The following USH2A variants were observed in gnomAD, a reference collection of about 807,000 sequenced individuals.
USH2A encodes Usher syndrome 2A (autosomal recessive, mild).
In USH2A, 443 loss-of-function variants were observed where a neutral mutation model predicts 538.9. The ratio of observed to expected loss-of-function variants is 0.82; its 90% CI spans 0.76 to 0.89. USH2A has a LOEUF of 0.89. Among genes scored for constraint, USH2A ranks in the 40% least tolerant of loss-of-function variants. The probability of loss-of-function intolerance (pLI) is 0.00; values close to 1 mark genes in which losing one functional copy is unlikely to be tolerated. For synonymous variants in USH2A, 2,413 were observed against 2,273.5 expected, an observed-to-expected ratio of 1.06 and a Z score of -1.75; for missense variants, 6,633 against 6,324.8, an observed-to-expected ratio of 1.05 and a Z score of -1.65.
intron 4 of USH2A, among the ~76,000 whole-genome samples, chr1:216,330,493 C>A (rs1257997784): frequency 2.0e-5 from 3 of 151,666 alleles, no homozygotes; most frequent in African/African-American, 7.3e-5. Flanking sequence ...CATTAATAAG[C>A]ACATAGACCT....
intron 19 of USH2A, among the ~76,000 whole-genome samples, chr1:216,196,208 G>A (rs1398618575): frequency 6.6e-6 from 1 of 152,010 alleles, no homozygotes; most frequent in African/African-American, 2.4e-5. Flanking sequence ...AATATCAACT[G>A]AGTGTGGACT....
chr1:215,974,020 T>C (rs1292437724), intron 35 of USH2A, among the ~76,000 whole-genome samples: 2 of 151,020 alleles, frequency 1.3e-5, no homozygotes, highest in Non-Finnish European at 3.0e-5. Context: ...TGACAGCATA[T>C]GGAGGAAGGG....
intron 15 of USH2A, among the ~76,000 whole-genome samples, chr1:216,210,114 A>T (rs764828929): frequency 2.6e-5 from 4 of 152,170 alleles, no homozygotes; most frequent in Non-Finnish European, 5.9e-5. Flanking sequence ...CTGAATAGGC[A>T]GCCTTGCAGG....
At chr1:216,349,459 G>A (rs1443399530) in intron 4 of USH2A, among the ~76,000 whole-genome samples, 1 of 152,120 alleles carries the variant, frequency 6.6e-6, no homozygotes, top group Non-Finnish European at 1.5e-5. Context: ...GATGAGATAG[G>A]AGGTTGGCTC....
At chr1:216,018,083 T>C (rs892763971) in intron 32 of USH2A, among the ~76,000 whole-genome samples, 3 of 152,178 alleles carry the variant, frequency 2.0e-5, no homozygotes, top group African/African-American at 7.2e-5. Context: ...ACTAGTGTCA[T>C]TTTTACTACT....
rs1215873826 is a variant in USH2A, at chr1:215,671,061, T to C, written c.14044A>G (p.Arg4682Gly). ...TAGATTAGGACTGGATTGGATTTTC[T>C]AGGCTGAGTTGCTATTTGTCTTCTG... Reference protein sequence around the residue: ...LYRRQIATQPRKSNPVLIYNG... With the variant: ...LYRRQIATQPGKSNPVLIYNG... Residue 4682 changes from arginine (R) to glycine (G), a missense_variant, in exon 64 of 72, where the codon AGA (arginine) becomes GGA (glycine). Physicochemically the swap from Arg to Gly is moderately radical, Grantham distance 125. Coordinates refer to ENST00000307340, the MANE Select transcript of USH2A (RefSeq NM_206933.4). 6.2e-7 allele frequency: 1 copy of C among 1,614,186 alleles called. No individual in the cohort carries two copies. Among genetic ancestry groups the C allele is most frequent in the African/African-American group, 1.3e-5 (1 of 75,066 alleles).
At position 215,786,828 on chromosome 1, in the gene USH2A, G is replaced by A; in HGVS notation, c.10229C>T (p.Thr3410Ile). The A allele has an allele frequency of 1.2e-6, 2 of 1,613,902 alleles. No homozygotes were observed. Among genetic ancestry groups the A allele is most frequent in the Non-Finnish European group, 8.5e-7 (1 of 1,179,922 alleles). The change falls in exon 52 of 72, where the codon ACA (threonine) becomes ATA (isoleucine). Residue 3410 changes from threonine (T) to isoleucine (I), a missense_variant. Transcript: ENST00000307340. ...GAAGTCACACCTGCCACAATGTTCT[G>A]TGGCTTCCATAGATGCTGGGCAGAG... Reference protein sequence around the residue: ...RILCPASMEATEHCGRCDFNF... With the variant: ...RILCPASMEAIEHCGRCDFNF...
Position 215,867,026 on chromosome 1 carries a change from G to C in USH2A, c.8826C>G (p.Asp2942Glu). 1 of 1,614,086 alleles carries C rather than the reference G, an allele frequency of 6.2e-7. No homozygotes were observed. ...ACTTACTTGGTTTAGCCCACCTCACGTCGATGGCTGTGTGGTTAAGGACAC... is the reference window on the plus strand; with the variant it reads ...ACTTACTTGGTTTAGCCCACCTCACCTCGATGGCTGTGTGGTTAAGGACAC... Reference protein sequence around the residue: ...TASVLNHTAIDVRWAKPTVQD... With the variant: ...TASVLNHTAIEVRWAKPTVQD... Residue 2942 changes from aspartate to glutamate, a missense_variant, in exon 44 of 72, where the codon GAC becomes GAG. Physicochemically the swap from Asp to Glu is conservative, Grantham distance 45. Transcript: ENST00000307340.
chr1:215,978,839 A>G lies in USH2A; in HGVS notation c.6806-8063T>C, dbSNP rs10158247. ...AGTCTCCCATGAAAGGTAATATGTGAAATACCTATGTCTCAGGAAGATGCT... is the reference window on the plus strand; with the variant it reads ...AGTCTCCCATGAAAGGTAATATGTGGAATACCTATGTCTCAGGAAGATGCT... On this transcript the variant is annotated intron_variant, in intron 35 of 71. Transcript: ENST00000307340. 2.2e-3 allele frequency among the ~76,000 whole-genome samples: 342 copies of G among 152,322 alleles called. 1 individual carries two copies. The highest frequency in any genetic ancestry group is 8.1e-3 in the African/African-American group (335 of 41,576).
rs148463732 is a variant in USH2A, at chr1:215,952,426, T to C, written c.7120+12891A>G. 3.9e-3 allele frequency among the ~76,000 whole-genome samples: 595 copies of C among 152,296 alleles called. 4 individuals carry two copies. The highest frequency in any genetic ancestry group is 0.014 in the African/African-American group (573 of 41,558). On this transcript the variant is annotated intron_variant, in intron 37 of 71. Transcript: ENST00000307340. Reference sequence around the variant, plus strand: ...TGTGAATGTGATCCTGTCATTATGATGTTAGCTGGTTATTTTGCTCGTTAG... The same window carrying C: ...TGTGAATGTGATCCTGTCATTATGACGTTAGCTGGTTATTTTGCTCGTTAG...
rs1444914880 is a variant in USH2A at position 216,373,734 on chromosome 1, T to C, written c.652-8649A>G. ...AAAAGTCTTTTATAGAAAAAACACC[T>C]CCAGCCCCAAATCACATGTTGCCTT... is the stretch of plus-strand genomic sequence containing the variant. On this transcript the variant is annotated intron_variant, in intron 3 of 71. Transcript: ENST00000307340. Among the ~76,000 whole-genome samples the C allele has an allele frequency of 2.0e-5, 3 of 150,528 alleles. No individual in the cohort carries two copies. The Admixed American group carries it at 2.0e-4, about 10-fold the overall frequency.
At position 216,046,408 on chromosome 1, in the gene USH2A, G is replaced by T. The variant is rs889380484; in HGVS notation, c.6325+23C>A. 3.7e-6 allele frequency: 6 copies of T among 1,612,470 alleles called. No homozygotes were observed. The Admixed American group carries it at 6.7e-5, about 18-fold the overall frequency. On this transcript the variant is annotated intron_variant, in intron 32 of 71. Coordinates refer to ENST00000307340, the MANE Select transcript of USH2A (RefSeq NM_206933.4). The stretch of plus-strand genomic sequence containing the variant: ...ATTTGAATATAGACTATAACAATTC[G>T]CTGATAACTCTAGAGGTCTTACCTG...
At chr1:216,188,429 A>G (rs1266127341) in intron 20 of USH2A, among the ~76,000 whole-genome samples, 1 of 151,800 alleles carries the variant, frequency 6.6e-6, no homozygotes, top group African/African-American at 2.4e-5. Flanking sequence ...ACAGCTCTAG[A>G]CACTATTGCA....
intron 64 of USH2A, among the ~76,000 whole-genome samples, chr1:215,651,901 T>A (rs1356576779): frequency 6.6e-6 from 1 of 152,210 alleles, no homozygotes; most frequent in Non-Finnish European, 1.5e-5. Flanking sequence ...TGAAAGTAAA[T>A]TTTCTGATGT....
intron 11 of USH2A, among the ~76,000 whole-genome samples, chr1:216,254,292 T>G (rs1051282658): frequency 9.9e-5 from 15 of 152,158 alleles, no homozygotes; most frequent in African/African-American, 3.6e-4. Context: ...CCCAGTTTAC[T>G]TCTATAGATT....
intron 4 of USH2A, among the ~76,000 whole-genome samples, chr1:216,349,805 T>C (rs895793085): frequency 2.6e-5 from 4 of 152,194 alleles, no homozygotes; most frequent in African/African-American, 4.8e-5. Context: ...GGAGTAGCCA[T>C]TTTTTATTCC....
chr1:216,129,730 A>G (rs993518348), intron 21 of USH2A, among the ~76,000 whole-genome samples: 12 of 152,190 alleles, frequency 7.9e-5, no homozygotes, highest in African/African-American at 1.7e-4. Context: ...TGGAACCACG[A>G]AAGACCTAGA....
In USH2A at chr1:216,377,655, C is replaced by T. The variant is rs114150108; in HGVS notation, c.652-12570G>A. Reference sequence around the variant, plus strand: ...ATGTTTCTTCCCAAACCATGTTACCCCAGGTAAGCAGCAGCTGAAAGAAAG... The same window carrying T: ...ATGTTTCTTCCCAAACCATGTTACCTCAGGTAAGCAGCAGCTGAAAGAAAG... On this transcript the variant is annotated intron_variant, in intron 3 of 71. Transcript: ENST00000307340. Among the ~76,000 whole-genome samples the T allele has an allele frequency of 4.9e-3, 720 of 147,226 alleles. 4 individuals carry two copies. Among genetic ancestry groups the T allele is most frequent in the African/African-American group, 0.018 (702 of 39,710 alleles).
chr1:216,267,719 T>C (rs907784404), intron 11 of USH2A, among the ~76,000 whole-genome samples: 2 of 152,120 alleles, frequency 1.3e-5, no homozygotes, highest in Admixed American at 6.6e-5. Context: ...GTTACCTCTG[T>C]CATTCAATTC....
Sources: gnomAD v4.1 joint callset for allele counts (sites outside exome capture counted in the v4.1 genomes callset) on GRCh38, gnomAD v4.1.1 for gene constraint, MANE v1.5 for transcripts, NCBI Gene and HGNC (gene_info 2026-07-23, HGNC 2026-07-21) for gene names.